The following CLASP2 variants were observed in gnomAD, a reference collection of about 807,000 sequenced individuals.
The protein encoded by CLASP2 is cytoplasmic linker associated protein 2, also known as CLIP-associating protein 2.
A neutral mutation model predicts 194.4 loss-of-function variants in CLASP2; 47 were observed. The ratio of observed to expected loss-of-function variants is 0.24; its 90% CI spans 0.19 to 0.31. The LOEUF is 0.31. Among genes scored for constraint, CLASP2 ranks in the 10% least tolerant of loss-of-function variants. The pLI is 1.00. For synonymous variants in CLASP2, 619 were observed against 633.5 expected (o/e 0.98, Z 0.34); for missense variants, 1,445 against 1,823.6 (o/e 0.79, Z 3.78).
In CLASP2 at chr3:33,704,946, G is replaced by A. The variant is rs1418191796; in HGVS notation, c.196-8013C>T. 2.0e-5 allele frequency among the ~76,000 whole-genome samples: 3 copies of A among 152,100 alleles called. No homozygotes were observed. In the East Asian group the frequency reaches 5.8e-4, roughly 29 times the overall value. On this transcript the variant is annotated intron_variant, in intron 1 of 38. Coordinates refer to ENST00000682230, the MANE Select transcript of CLASP2 (RefSeq NM_001365631.1). ...TGGAACCCTTATATGCTGGTGGTGG[G>A]AATGTAAAATGGTGCAGCCATTGAA...
intron 8 of CLASP2, among the ~76,000 whole-genome samples, chr3:33,639,248 G>A (rs1168121260): frequency 2.0e-5 from 3 of 152,048 alleles, no homozygotes; most frequent in Non-Finnish European, 4.4e-5. Flanking sequence ...TGTACAGACA[G>A]GGTTTTGCCA....
chr3:33,689,759 G>C (rs1242898669), intron 3 of CLASP2, 70 bp downstream of exon 3: 1 of 1,014,944 alleles, frequency 9.9e-7, no homozygotes, highest in African/African-American at 1.6e-5. Context: ...CAGTGTTCAT[G>C]CTTGCTGTGG....
chr3:33,544,831 G>A lies in CLASP2; in HGVS notation c.3164C>T (p.Ser1055Leu), dbSNP rs774785600. 6 of 1,604,460 alleles carry A rather than the reference G, an allele frequency of 3.7e-6. No individual in the cohort carries two copies. In the African/African-American group the frequency reaches 4.0e-5, roughly 11 times the overall value. ...GAGTTCAAATAATGAAATCAGCACT[G>A]ACTGTGCTGCCTAAAAAACAAAGGC... ...KSSDVRKAAQSVLISLFELNT... is the reference protein window; with the variant it reads ...KSSDVRKAAQLVLISLFELNT... Residue 1055 changes from serine to leucine, a missense_variant, in exon 31 of 39, where the codon TCA (serine) becomes TTA (leucine). Coordinates refer to ENST00000682230, the MANE Select transcript of CLASP2 (RefSeq NM_001365631.1).
Position 33,517,002 on chromosome 3 carries a change from A to T in CLASP2, c.3960T>A (p.Leu1320=). The change falls in exon 35 of 39, where the codon CTT becomes CTA. Residue 1320 remains leucine, a synonymous_variant. Coordinates refer to ENST00000682230, the MANE Select transcript of CLASP2 (RefSeq NM_001365631.1). ...EHFKTILLLL[L]ETLGDKEPTI... ...TTACCTCTTTATCTCCAAGCGTTTC[A>T]AGCAATAAAAGCAATATTGTTTTGA... 1 of 1,613,186 alleles carries T rather than the reference A, an allele frequency of 6.2e-7. No homozygotes were observed. Among genetic ancestry groups the T allele is most frequent in the South Asian group, 1.1e-5 (1 of 90,910 alleles).
chr3:33,643,812 T>C (rs112954090), intron 8 of CLASP2, among the ~76,000 whole-genome samples: 2,955 of 152,066 alleles, frequency 0.019, 29 homozygotes, highest in South Asian at 0.032. Context: ...GGTCAAAATA[T>C]ACAGTTTATT....
chr3:33,624,312 A>C (rs2077612442), intron 10 of CLASP2, among the ~76,000 whole-genome samples: 1 of 152,158 alleles, frequency 6.6e-6, no homozygotes, highest in Non-Finnish European at 1.5e-5. Context: ...TAGAAAAAAA[A>C]TCAAAAGAAT....
At chr3:33,534,868 C>T (rs1173054949) in intron 34 of CLASP2, among the ~76,000 whole-genome samples, 1 of 152,066 alleles carries the variant, frequency 6.6e-6, no homozygotes, top group Admixed American at 6.6e-5. Flanking sequence ...GCTTAAAGGG[C>T]TACTATAAAG....
At chr3:33,677,267 C>A (rs1487316202) in intron 6 of CLASP2, among the ~76,000 whole-genome samples, 3 of 151,792 alleles carry the variant, frequency 2.0e-5, no homozygotes, top group Non-Finnish European at 4.4e-5. Context: ...ATGTTTATTG[C>A]GGCATTATTC....
chr3:33,501,113 T>C (rs1231238552), intron 38 of CLASP2, among the ~76,000 whole-genome samples: 1 of 152,182 alleles, frequency 6.6e-6, no homozygotes, highest in Non-Finnish European at 1.5e-5. Flanking sequence ...ACTTACTTAT[T>C]TTTTTAAGTC....
intron 10 of CLASP2, among the ~76,000 whole-genome samples, chr3:33,623,868 C>T (rs1340902346): frequency 6.6e-6 from 1 of 151,958 alleles, no homozygotes; most frequent in East Asian, 1.9e-4. Context: ...ATACTGTTCT[C>T]CCTGCATGTG....
chr3:33,528,150 T>G (rs2055141689), intron 34 of CLASP2, among the ~76,000 whole-genome samples: 1 of 152,136 alleles, frequency 6.6e-6, no homozygotes, highest in South Asian at 2.1e-4. Flanking sequence ...CACAAATCAA[T>G]GAATGTGATT....
intron 38 of CLASP2, among the ~76,000 whole-genome samples, chr3:33,500,298 T>A (rs150307528): frequency 4.6e-4 from 70 of 152,108 alleles, no homozygotes; most frequent in African/African-American, 1.5e-3. Context: ...GCCTCCCAAG[T>A]GCTGTGGGAG....
At chr3:33,632,431 G>A in intron 8 of CLASP2, 60 bp from the exon 9 acceptor site, 1 of 1,157,394 alleles carries the variant, frequency 8.6e-7, no homozygotes, top group South Asian at 1.5e-5. Flanking sequence ...TAACATTAAT[G>A]ACAACATGAA....
At chr3:33,651,811 C>T (rs2083273174) in intron 7 of CLASP2, among the ~76,000 whole-genome samples, 1 of 152,040 alleles carries the variant, frequency 6.6e-6, no homozygotes, top group East Asian at 1.9e-4. Flanking sequence ...AGGCATGCAC[C>T]ACCACGGCCA....
intron 21 of CLASP2, among the ~76,000 whole-genome samples, chr3:33,587,894 A>G (rs2067780310): frequency 1.3e-5 from 2 of 152,362 alleles, no homozygotes; most frequent in Non-Finnish European, 1.5e-5. Context: ...AACTGAGCAC[A>G]TACAATATGG....
intron 34 of CLASP2, among the ~76,000 whole-genome samples, chr3:33,518,595 C>CA (rs1465802243): frequency 4.6e-5 from 7 of 152,138 alleles, no homozygotes; most frequent in Middle Eastern, 3.2e-3. Flanking sequence ...ATAAACCCCA[C>CA]AAAAAATCAC....
chr3:33,600,608 C>A (rs1255898920), intron 18 of CLASP2, among the ~76,000 whole-genome samples: 1 of 152,170 alleles, frequency 6.6e-6, no homozygotes, highest in Non-Finnish European at 1.5e-5. Context: ...GTAATCAACA[C>A]ACTGTTAACA....
intron 29 of CLASP2, among the ~76,000 whole-genome samples, chr3:33,553,378 T>C (rs971355687): frequency 5.9e-5 from 9 of 152,098 alleles, no homozygotes; most frequent in Admixed American, 3.3e-4. Flanking sequence ...AGCTTCTGCA[T>C]AGCAAAGGAA....
chr3:33,590,267 G>C (rs1042756909), intron 21 of CLASP2, among the ~76,000 whole-genome samples: 1 of 152,094 alleles, frequency 6.6e-6, no homozygotes, highest in African/African-American at 2.4e-5. Flanking sequence ...TAGAAGTGCA[G>C]TAACTTCAAA....
Sources: gnomAD v4.1 joint callset for allele counts (sites outside exome capture counted in the v4.1 genomes callset) on GRCh38, gnomAD v4.1.1 for gene constraint, MANE v1.5 for transcripts, NCBI Gene and HGNC (gene_info 2026-07-23, HGNC 2026-07-21) for gene names.